SV2C: variants seen among roughly 807,000 people sequenced by gnomAD.
SV2C encodes the protein solute carrier family 22 member B3.
In SV2C, 49 loss-of-function variants were observed where a neutral mutation model predicts 79.7. The ratio of observed to expected loss-of-function variants is 0.61; its 90% confidence interval spans 0.49 to 0.78. The LOEUF (loss-of-function observed/expected upper bound fraction) is 0.78, where lower values mean the gene tolerates loss of function less well. Among genes scored for constraint, SV2C ranks in the 30% least tolerant of loss-of-function variants. SV2C has a pLI of 0.00. For missense variants in SV2C, 833 were observed against 912.9 expected (o/e 0.91, Z 1.13); for synonymous variants, 334 against 333.2 (o/e 1.00, Z -0.03).
chr5:75,967,116 T>C, the SV2C span, among the ~76,000 whole-genome samples: 6 of 152,272 alleles, frequency 3.9e-5, no homozygotes, highest in East Asian at 9.7e-4. Flanking sequence ...AGAGGATTGC[T>C]TGGGGCCAGG....
intron 4 of SV2C, among the ~76,000 whole-genome samples, chr5:76,245,459 T>C (rs543815326): frequency 1.3e-5 from 2 of 152,230 alleles, no homozygotes; most frequent in Admixed American, 1.3e-4. Flanking sequence ...GAAAACACGA[T>C]CAGACTTAAT....
intron 6 of SV2C, chr5:76,286,769 C>T (rs1045946980): frequency 3.9e-5 from 6 of 152,156 alleles, no homozygotes; most frequent in African/African-American, 7.2e-5. Flanking sequence ...GAAGCAAACA[C>T]GTCCTTCTTC....
intron 12 of SV2C, among the ~76,000 whole-genome samples, chr5:76,348,989 ACT>A (rs999303162): frequency 2.0e-5 from 3 of 151,962 alleles, no homozygotes; most frequent in African/African-American, 7.3e-5. Flanking sequence ...ACAGAGTGAG[ACT>A]CTGTCTCGAA....
chr5:76,193,461 T>C (rs1744168380), intron 2 of SV2C, among the ~76,000 whole-genome samples: 1 of 152,114 alleles, frequency 6.6e-6, no homozygotes, highest in Admixed American at 6.5e-5. Context: ...GCTAAAGACT[T>C]TGCTTCACAT....
chr5:75,880,559 A>G, the SV2C span, among the ~76,000 whole-genome samples: 2 of 152,194 alleles, frequency 1.3e-5, no homozygotes, highest in African/African-American at 4.8e-5. Context: ...AACAAGGATG[A>G]CCTTTGCTCC....
At chr5:76,152,782 A>G (rs773174553) in intron 2 of SV2C, among the ~76,000 whole-genome samples, 13 of 152,122 alleles carry the variant, frequency 8.5e-5, no homozygotes, top group Non-Finnish European at 1.8e-4. Flanking sequence ...TCTGCCCCCC[A>G]GCCCCTCCCA....
chr5:76,050,106 G>C, the SV2C span, among the ~76,000 whole-genome samples: 1 of 152,164 alleles, frequency 6.6e-6, no homozygotes, highest in Admixed American at 6.5e-5. Flanking sequence ...AATCACCTAA[G>C]GTGGTTGAAA....
rs1447604229 is a variant in SV2C, at chr5:76,328,746, A to G, written c.*3199A>G. On this transcript the variant is annotated 3_prime_UTR_variant, in exon 13 of 13. Transcript: ENST00000502798. ...ACAGTAATGAAAATAGCTTCATCTT[A>G]TCTGCCTTCTTATGCTAAACTCATT... The G allele has an allele frequency of 1.3e-5, 2 of 151,836 alleles. No homozygotes were observed. The highest frequency in any genetic ancestry group is 3.9e-4 in the East Asian group (2 of 5,186). The allele number at this position is 151,836 out of a possible 1,614,324, so 9.4% of individuals were successfully genotyped here.
At chr5:75,867,098 G>T in the SV2C span, among the ~76,000 whole-genome samples, 1 of 152,138 alleles carries the variant, frequency 6.6e-6, no homozygotes, top group Non-Finnish European at 1.5e-5. Flanking sequence ...ACCTAAGATA[G>T]CTTCTCCACA....
At chr5:76,145,634 G>C (rs1749396795) in intron 2 of SV2C, among the ~76,000 whole-genome samples, 1 of 152,154 alleles carries the variant, frequency 6.6e-6, no homozygotes, top group South Asian at 2.1e-4. Context: ...AACATGGCAT[G>C]GCACCAAAGA....
At chr5:76,144,523 C>T (rs1862521) in intron 2 of SV2C, among the ~76,000 whole-genome samples, 7,905 of 152,230 alleles carry the variant, frequency 0.052, 610 homozygotes, top group East Asian at 0.37. Context: ...AGCTCCTTTA[C>T]GTAATTAATC....
At chr5:76,107,378 C>T (rs561567401) in intron 1 of SV2C, among the ~76,000 whole-genome samples, 25 of 152,212 alleles carry the variant, frequency 1.6e-4, no homozygotes, top group Admixed American at 4.6e-4. Flanking sequence ...ATACCTCACA[C>T]GGTTTAGGAA....
At chr5:76,269,093 C>T (rs1354717708) in intron 4 of SV2C, among the ~76,000 whole-genome samples, 1 of 152,196 alleles carries the variant, frequency 6.6e-6, no homozygotes, top group Admixed American at 6.5e-5. Flanking sequence ...TCCTCCTAGG[C>T]ACTGTTGACA....
rs574843433 is a variant in SV2C at position 76,131,597 on chromosome 5, A to T, written c.-101-53A>T. ...AGAGGTCAAGAAATAGACGGTAAAA[A>T]ATATATATATAGAAAGGAATAATAA... On this transcript the variant is annotated intron_variant, in intron 1 of 12. Transcript: ENST00000502798. 3.3e-5 allele frequency: 16 copies of T among 483,324 alleles called. No individual in the cohort carries two copies. In the East Asian group the frequency reaches 4.0e-4, roughly 12 times the overall value. 29.9% of individuals were successfully genotyped at this position (483,324 alleles called of 1,614,324 possible).
At chr5:76,285,069 C>T in intron 4 of SV2C, 93 bp from the exon 5 acceptor site, 1 of 1,543,938 alleles carries the variant, frequency 6.5e-7, no homozygotes, top group Admixed American at 1.8e-5. Context: ...TAAGACTTGA[C>T]TAATAAGTCC....
At chr5:76,268,368 C>T (rs540629601) in intron 4 of SV2C, among the ~76,000 whole-genome samples, 13 of 152,206 alleles carry the variant, frequency 8.5e-5, no homozygotes, top group South Asian at 6.2e-4. Context: ...GAGAACTGAG[C>T]GTGGAGTCCA....
At chr5:76,300,388 G>C (rs1237349596) in intron 10 of SV2C, among the ~76,000 whole-genome samples, 1 of 152,046 alleles carries the variant, frequency 6.6e-6, no homozygotes, top group Non-Finnish European at 1.5e-5. Flanking sequence ...TAGTCTTTAT[G>C]TAACATGATA....
At chr5:76,294,000 A>T (rs1429098069) in intron 8 of SV2C, among the ~76,000 whole-genome samples, 4 of 152,196 alleles carry the variant, frequency 2.6e-5, no homozygotes, top group Admixed American at 6.5e-5. Context: ...GGAATAAACT[A>T]GAGCAGTGGT....
chr5:76,298,608 G>A (rs1747858521), intron 9 of SV2C, among the ~76,000 whole-genome samples, 186 bp from the exon 10 acceptor site: 2 of 152,146 alleles, frequency 1.3e-5, no homozygotes, highest in African/African-American at 2.4e-5. Context: ...CAATAAGATA[G>A]CCAAAGGTCA....
Sources: gnomAD v4.1 joint callset for allele counts (sites outside exome capture counted in the v4.1 genomes callset) on GRCh38, gnomAD v4.1.1 for gene constraint, MANE v1.5 for transcripts, NCBI Gene and HGNC (gene_info 2026-07-23, HGNC 2026-07-21) for gene names.